The following PHYHIPL variants were observed in gnomAD, a reference collection of about 807,000 sequenced individuals.
PHYHIPL encodes phytanoyl-CoA hydroxylase-interacting protein-like.
In PHYHIPL, 9 loss-of-function variants were observed where a neutral mutation model predicts 33.4. The observed-to-expected ratio is 0.27, with a 90% CI of 0.16 to 0.47. PHYHIPL has a LOEUF of 0.47. PHYHIPL is among the 20% of genes least tolerant of loss of function. PHYHIPL has a pLI of 0.99. For missense variants in PHYHIPL, 365 were observed against 460.7 expected (o/e 0.79, Z 1.90); for synonymous variants, 153 against 154.1 (o/e 0.99, Z 0.05).
At chr10:59,225,793 T>C (rs1316413285) in intron 1 of PHYHIPL, among the ~76,000 whole-genome samples, 1 of 152,106 alleles carries the variant, frequency 6.6e-6, no homozygotes, top group East Asian at 1.9e-4. Flanking sequence ...AAAATTTTAA[T>C]AGCATCCTCT....
At chr10:59,236,249 T>C (rs1840226452) in intron 2 of PHYHIPL, among the ~76,000 whole-genome samples, 1 of 151,980 alleles carries the variant, frequency 6.6e-6, no homozygotes, top group African/African-American at 2.4e-5. Context: ...AGAAAAATTC[T>C]ATTGTCAGTC....
At chr10:59,192,130 T>G (rs182176566) in intron 1 of PHYHIPL, among the ~76,000 whole-genome samples, 9 of 152,258 alleles carry the variant, frequency 5.9e-5, no homozygotes, top group Middle Eastern at 3.4e-3. Flanking sequence ...GGTGCCATTT[T>G]GTGCACTGAG....
chr10:59,204,765 A>G (rs1839238026), intron 1 of PHYHIPL, among the ~76,000 whole-genome samples: 1 of 151,762 alleles, frequency 6.6e-6, no homozygotes, highest in Non-Finnish European at 1.5e-5. Flanking sequence ...TTATGCTTCC[A>G]TATGTCAGTT....
At chr10:59,178,638 A>G (rs553602978) in intron 1 of PHYHIPL, among the ~76,000 whole-genome samples, 1 of 152,278 alleles carries the variant, frequency 6.6e-6, no homozygotes, top group South Asian at 2.1e-4. Context: ...TTAGGCATTC[A>G]TTGTTGCTCT....
At chr10:59,190,412 G>A (rs1339964366) in intron 1 of PHYHIPL, among the ~76,000 whole-genome samples, 1 of 151,828 alleles carries the variant, frequency 6.6e-6, no homozygotes, top group East Asian at 1.9e-4. Context: ...GAGGGTAAGT[G>A]ACAGAATCGA....
intron 3 of PHYHIPL, 110 bp downstream of exon 3, chr10:59,236,767 A>G (rs1247445004): frequency 7.5e-6 from 7 of 939,460 alleles, no homozygotes. Context: ...GACATTGGTC[A>G]TTTTTTGCGT....
rs1840707294 is a variant in PHYHIPL, at chr10:59,246,350, A to G, written c.*759A>G. ...TATGAAGGACATTATTCTGATTCATAAAAGTTATAAAATATTAGGTAAATA... is the reference window on the plus strand; with the variant it reads ...TATGAAGGACATTATTCTGATTCATGAAAGTTATAAAATATTAGGTAAATA... On this transcript the variant is annotated 3_prime_UTR_variant, in exon 5 of 5. Transcript: ENST00000373880. 1 of 236,912 alleles carries G rather than the reference A, an allele frequency of 4.2e-6. No homozygotes were observed. The highest frequency in any genetic ancestry group is 8.1e-6 in the Non-Finnish European group (1 of 124,068). 14.7% of individuals were successfully genotyped at this position (236,912 alleles called of 1,614,324 possible).
chr10:59,211,668 A>T (rs868608751), intron 1 of PHYHIPL, among the ~76,000 whole-genome samples: 11,819 of 142,832 alleles, frequency 0.083, 794 homozygotes, highest in South Asian at 0.17. Flanking sequence ...ACTCTCTAAA[A>T]AAAAAAAAAA....
At chr10:59,181,661 C>A (rs996190948) in intron 1 of PHYHIPL, among the ~76,000 whole-genome samples, 1 of 152,090 alleles carries the variant, frequency 6.6e-6, no homozygotes, top group East Asian at 1.9e-4. Context: ...AGATTAATTT[C>A]TTTGGCCCAA....
At chr10:59,201,365 G>A (rs949636909) in intron 1 of PHYHIPL, among the ~76,000 whole-genome samples, 8 of 152,176 alleles carry the variant, frequency 5.3e-5, no homozygotes, top group Non-Finnish European at 8.8e-5. Flanking sequence ...TAGTTGAGTG[G>A]TTTTGAGTGA....
chr10:59,228,816 G>C (rs973289974), intron 1 of PHYHIPL, among the ~76,000 whole-genome samples: 6 of 152,178 alleles, frequency 3.9e-5, no homozygotes, highest in Non-Finnish European at 8.8e-5. Context: ...CATTACCTTT[G>C]CAAACACTCT....
chr10:59,223,004 C>T (rs1429277855), intron 1 of PHYHIPL, among the ~76,000 whole-genome samples: 1 of 152,192 alleles, frequency 6.6e-6, no homozygotes, highest in Non-Finnish European at 1.5e-5. Flanking sequence ...CTCCATGTAG[C>T]ATAGCTAGAA....
intron 1 of PHYHIPL, among the ~76,000 whole-genome samples, chr10:59,185,072 G>T (rs1209138666): frequency 7.1e-6 from 1 of 140,804 alleles, no homozygotes; most frequent in Non-Finnish European, 1.5e-5. Flanking sequence ...CTCACTGCAA[G>T]CTCCGCCTCC....
intron 2 of PHYHIPL, among the ~76,000 whole-genome samples, chr10:59,235,266 A>G (rs1432043131): frequency 6.6e-6 from 1 of 151,774 alleles, no homozygotes; most frequent in Non-Finnish European, 1.5e-5. Context: ...AAATGTTTTT[A>G]GATATATAAC....
At chr10:59,211,905 G>A (rs552239357) in intron 1 of PHYHIPL, among the ~76,000 whole-genome samples, 47 of 152,246 alleles carry the variant, frequency 3.1e-4, no homozygotes, top group Non-Finnish European at 1.2e-4. Flanking sequence ...GCAATGGTTT[G>A]AATGTTTATC....
chr10:59,242,052 CTAAG>C (rs1462147966), intron 4 of PHYHIPL, among the ~76,000 whole-genome samples: 3 of 152,162 alleles, frequency 2.0e-5, no homozygotes, highest in Non-Finnish European at 4.4e-5. Context: ...CCAGCCAAGG[CTAAG>C]TGAGGAACCT....
rs1392024809 is a variant in PHYHIPL, at chr10:59,245,470, C to T, written c.1010C>T (p.Pro337Leu). The change falls in exon 5 of 5, where the codon CCT (proline) becomes CTT (leucine). Residue 337 changes from proline (P) to leucine (L), a missense_variant. Physicochemically the swap from Pro to Leu is moderately conservative, Grantham distance 98. Around this residue, in one of 4 missense-constraint regions of PHYHIPL, gnomAD observed 196 missense variants for 224.9 expected, o/e 0.87. Transcript: ENST00000373880. The stretch of plus-strand genomic sequence containing the variant: ...ATTTTAGAAGTCATTTACACTGACC[C>T]TGTGGATCTTTCTGTGGGCACCGTG... ...DVILEVIYTD[P>L]VDLSVGTVAE... The T allele has an allele frequency of 6.2e-7, 1 of 1,614,160 alleles. No individual in the cohort carries two copies. Among genetic ancestry groups the T allele is most frequent in the Non-Finnish European group, 8.5e-7 (1 of 1,180,024 alleles).
chr10:59,198,566 A>G lies in PHYHIPL; in HGVS notation c.106+21607A>G, dbSNP rs187191400. The stretch of plus-strand genomic sequence containing the variant: ...ATGATTTATAATCCTTTGGGTATAT[A>G]CCCAGTAATGGGATGGCTGGGTCAA... On this transcript the variant is annotated intron_variant, in intron 1 of 4. Coordinates refer to ENST00000373880, the MANE Select transcript of PHYHIPL (RefSeq NM_032439.4). 2.6e-3 allele frequency among the ~76,000 whole-genome samples: 403 copies of G among 152,300 alleles called. 2 individuals carry two copies. The highest frequency in any genetic ancestry group is 9.0e-3 in the African/African-American group (376 of 41,562).
chr10:59,175,445 T>C (rs529029626), upstream of PHYHIPL, among the ~76,000 whole-genome samples: 134 of 152,340 alleles, frequency 8.8e-4, no homozygotes, highest in African/African-American at 3.1e-3. Context: ...CAGACATCTA[T>C]GTGTAAACTG....
Sources: gnomAD v4.1 joint callset for allele counts (sites outside exome capture counted in the v4.1 genomes callset) on GRCh38, gnomAD v4.1.1 for gene constraint, gnomAD v4.1.1 regional missense constraint, MANE v1.5 for transcripts, NCBI Gene and HGNC (gene_info 2026-07-23, HGNC 2026-07-21) for gene names.